The following ANXA4 variants were observed in gnomAD, a reference collection of about 807,000 sequenced individuals.
The protein encoded by ANXA4 is annexin A4, also known as 35-beta calcimedin.
Under a neutral mutation model 49.8 loss-of-function variants are expected in ANXA4, and 39 were observed. The ratio of observed to expected loss-of-function variants is 0.78; its 90% CI spans 0.61 to 1.02. ANXA4 has a LOEUF of 1.02. ANXA4 is among the 50% of genes least tolerant of loss of function. ANXA4 has a pLI of 0.00. For synonymous variants in ANXA4, 134 were observed against 152.5 expected, an observed-to-expected ratio of 0.88 and a Z score of 0.89; for missense variants, 360 against 410.1, an observed-to-expected ratio of 0.88 and a Z score of 1.05.
At chr2:69,795,591 G>A (rs1238734605) in intron 3 of ANXA4, among the ~76,000 whole-genome samples, 1 of 152,118 alleles carries the variant, frequency 6.6e-6, no homozygotes, top group African/African-American at 2.4e-5. Context: ...CTGGCCTCTG[G>A]CTTTAGAGGA....
rs562843650 is a variant in ANXA4, at chr2:69,793,859, T to C, written c.97+5718T>C. Among the ~76,000 whole-genome samples the C allele has an allele frequency of 2.9e-3, 268 of 93,334 alleles. 1 individual carries two copies. The highest frequency in any genetic ancestry group is 3.4e-3 in the Non-Finnish European group (184 of 54,880). The allele number at this position is 93,334 out of a possible 152,430, so 61.2% of individuals were successfully genotyped here. The stretch of plus-strand genomic sequence containing the variant: ...AAAAAAAAAAAGCAATTCAGTCAAC[T>C]GAGAAAAAAAAGTTTCCAGATTTAT... On this transcript the variant is annotated intron_variant, in intron 3 of 12. Transcript: ENST00000394295.
At chr2:69,739,487 C>A (rs1020456437), upstream of ANXA4, among the ~76,000 whole-genome samples, 5 of 151,992 alleles carry the variant, frequency 3.3e-5, no homozygotes, top group African/African-American at 1.2e-4. Flanking sequence ...CTCACTGCAG[C>A]TTCAAACCCC....
intron 2 of ANXA4, among the ~76,000 whole-genome samples, chr2:69,661,729 A>G (rs1488576972): frequency 6.6e-6 from 1 of 152,176 alleles, no homozygotes; most frequent in Non-Finnish European, 1.5e-5. Flanking sequence ...GCAACATGAC[A>G]GTAGGATTTC....
intron 2 of ANXA4, among the ~76,000 whole-genome samples, chr2:69,696,168 G>T (rs1678152920): frequency 6.6e-6 from 1 of 152,104 alleles, no homozygotes; most frequent in Non-Finnish European, 1.5e-5. Context: ...TTCAAAATTG[G>T]ATTCCATCCT....
intron 1 of ANXA4, among the ~76,000 whole-genome samples, chr2:69,648,604 A>G (rs1676097481): frequency 6.6e-6 from 1 of 152,112 alleles, no homozygotes; most frequent in East Asian, 1.9e-4. Flanking sequence ...CAGGTGGATC[A>G]CTTGAGGTCA....
intron 2 of ANXA4, among the ~76,000 whole-genome samples, chr2:69,678,225 G>A (rs1677473978): frequency 6.6e-6 from 1 of 151,946 alleles, no homozygotes; most frequent in South Asian, 2.1e-4. Context: ...CTGCTTCTTT[G>A]TGTATAAAGC....
intron 3 of ANXA4, among the ~76,000 whole-genome samples, chr2:69,729,001 C>T (rs377734875): frequency 2.0e-5 from 3 of 152,234 alleles, no homozygotes; most frequent in South Asian, 4.1e-4. Flanking sequence ...ATTATATCTT[C>T]TTTATTTTTC....
At chr2:69,778,886 T>G (rs1409956912) in intron 1 of ANXA4, among the ~76,000 whole-genome samples, 1 of 149,974 alleles carries the variant, frequency 6.7e-6, no homozygotes, top group Non-Finnish European at 1.5e-5. Context: ...TCACTTGAGG[T>G]CAGAAGTTCA....
intron 1 of ANXA4, among the ~76,000 whole-genome samples, chr2:69,750,493 G>A (rs1670793680): frequency 6.6e-6 from 1 of 152,178 alleles, no homozygotes; most frequent in South Asian, 2.1e-4. Context: ...GCACACTGCA[G>A]CCTCAAACTC....
chr2:69,799,634 A>G (rs554266484), intron 3 of ANXA4, among the ~76,000 whole-genome samples: 1 of 152,174 alleles, frequency 6.6e-6, no homozygotes, highest in South Asian at 2.1e-4. Context: ...CCAGCATGCT[A>G]CCCTCCAGTT....
At chr2:69,722,900 T>C (rs58629384) in intron 3 of ANXA4, among the ~76,000 whole-genome samples, 4 of 151,792 alleles carry the variant, frequency 2.6e-5, no homozygotes, top group Non-Finnish European at 4.4e-5. Flanking sequence ...AGGCCGGGCA[T>C]GGTGGCTCAT....
chr2:69,812,652 G>C lies in ANXA4; in HGVS notation c.478-1G>C, dbSNP rs1351780895. On this transcript the variant is annotated splice_acceptor_variant, in intron 7 of 12. Transcript: ENST00000394295. LOFTEE classifies it high-confidence loss of function. ...TTTTTATTTGTTTTTCTCATCCTCA[G>C]GGTGGGAGGGATGAAGGAAATTATC... 6.2e-7 allele frequency: 1 copy of C among 1,613,332 alleles called. No homozygotes were observed. The highest frequency in any genetic ancestry group is 8.5e-7 in the Non-Finnish European group (1 of 1,179,420).
At chr2:69,819,471 G>A (rs1674139388) in intron 11 of ANXA4, 133 bp downstream of exon 11, 2 of 640,078 alleles carry the variant, frequency 3.1e-6, no homozygotes, top group Non-Finnish European at 5.5e-6. Context: ...TTCAGTGAGT[G>A]CCTGCTAATA....
chr2:69,813,425 A>C (rs1673796990), intron 8 of ANXA4, among the ~76,000 whole-genome samples: 1 of 151,832 alleles, frequency 6.6e-6, no homozygotes, highest in African/African-American at 2.4e-5. Flanking sequence ...ATTTTTTTCT[A>C]TTTTTAGTAG....
chr2:69,813,846 C>T (rs185117629), intron 8 of ANXA4, among the ~76,000 whole-genome samples: 7 of 151,262 alleles, frequency 4.6e-5, no homozygotes, highest in Admixed American at 2.6e-4. Flanking sequence ...CAACCTCCCC[C>T]TCCCAGGTTC....
upstream of ANXA4, chr2:69,643,933 A>G: frequency 8.9e-7 from 1 of 1,127,132 alleles, no homozygotes; most frequent in Non-Finnish European, 1.1e-6. Context: ...GTCTCAGTGC[A>G]GACAGAGTTC....
chr2:69,740,862 T>G (rs577404818), upstream of ANXA4, among the ~76,000 whole-genome samples: 12 of 148,014 alleles, frequency 8.1e-5, no homozygotes, highest in Middle Eastern at 3.4e-3. Context: ...TATGTTTTTT[T>G]TTTTTTTTTT....
rs544591476 is a variant in ANXA4 at position 69,655,439 on chromosome 2, A to C, written n.766+2157A>C. Among the ~76,000 whole-genome samples, 31 of 152,346 alleles carry C rather than the reference A, an allele frequency of 2.0e-4. 1 individual carries two copies. In the South Asian group the frequency reaches 6.0e-3, roughly 30 times the overall value. ...AACATATGAAAAAAAGCTCATCATC[A>C]CTGGTCATTAGAGAAATGTAAATCA... On this transcript the variant is annotated intron_variant and non_coding_transcript_variant, in intron 2 of 3. Coordinates refer to the ANXA4 transcript ENST00000418066.
At chr2:69,732,421 C>T (rs1670130262) in intron 3 of ANXA4, among the ~76,000 whole-genome samples, 1 of 151,922 alleles carries the variant, frequency 6.6e-6, no homozygotes, top group Non-Finnish European at 1.5e-5. Context: ...ATAAACTGGG[C>T]AATACCTCTT....
Sources: allele counts gnomAD v4.1 joint callset (sites outside exome capture counted in the v4.1 genomes callset), GRCh38; gene constraint gnomAD v4.1.1; transcripts MANE v1.5; gene names NCBI Gene and HGNC (gene_info 2026-07-23, HGNC 2026-07-21).